The following PPP1R7 variants were observed in gnomAD, a reference collection of about 807,000 sequenced individuals.
The protein encoded by PPP1R7 is protein phosphatase 1 regulatory subunit 22.
Under a neutral mutation model 45.2 loss-of-function variants are expected in PPP1R7, and 18 were observed. That is an observed-to-expected ratio of 0.40 (90% CI 0.28 to 0.59). The LOEUF (loss-of-function observed/expected upper bound fraction) is 0.59. PPP1R7 is among the 20% of genes least tolerant of loss of function. PPP1R7 has a pLI of 0.46. For missense variants in PPP1R7, 314 were observed against 455.8 expected (o/e 0.69, Z 2.83); for synonymous variants, 181 against 183.4 (o/e 0.99, Z 0.11).
At chr2:241,152,937 T>A (rs2067357488) in intron 1 of PPP1R7, among the ~76,000 whole-genome samples, 1 of 152,212 alleles carries the variant, frequency 6.6e-6, no homozygotes, top group Admixed American at 6.5e-5. Flanking sequence ...CTGTGGGCGG[T>A]CAGCACTATT....
At chr2:241,161,925 A>C (rs569563707) in intron 6 of PPP1R7, among the ~76,000 whole-genome samples, 2 of 152,302 alleles carry the variant, frequency 1.3e-5, no homozygotes, top group East Asian at 3.9e-4. Context: ...GCTGTGTCTA[A>C]GCACATCCGC....
intron 3 of PPP1R7, 104 bp from the exon 4 acceptor site, chr2:241,158,380 A>G: frequency 9.5e-7 from 1 of 1,050,276 alleles, no homozygotes; most frequent in South Asian, 1.3e-5. Flanking sequence ...CCCACCTGGC[A>G]CTGCCTCCCC....
chr2:241,180,908 G>A (rs2067992446), intron 9 of PPP1R7, among the ~76,000 whole-genome samples: 1 of 152,066 alleles, frequency 6.6e-6, no homozygotes, highest in African/African-American at 2.4e-5. Flanking sequence ...GTGAAAATAG[G>A]GTCCCTCAGG....
chr2:241,150,591 G>T (rs769607652), intron 1 of PPP1R7, 44 bp downstream of exon 1: 10 of 1,564,414 alleles, frequency 6.4e-6, no homozygotes, highest in Non-Finnish European at 8.6e-6. Flanking sequence ...CCAGCGGGCG[G>T]GGGGAGCTGC....
At chr2:241,149,743 T>C (rs761753317), upstream of PPP1R7, 2 of 1,544,150 alleles carry the variant, frequency 1.3e-6, no homozygotes, top group Admixed American at 3.9e-5. Context: ...TGGAGGCCTC[T>C]TTCTGAAGGC....
chr2:241,152,960 C>T lies in PPP1R7; in HGVS notation c.53-516C>T, dbSNP rs930729021. 3.3e-5 allele frequency among the ~76,000 whole-genome samples: 5 copies of T among 152,304 alleles called. No homozygotes were observed. In the East Asian group the frequency reaches 7.7e-4, roughly 24 times the overall value. ...GGTCAGCACTATTGGCTGTATTCTC[C>T]TTTTCCTTAGTGATCCTCCCTGCCC... On this transcript the variant is annotated intron_variant, in intron 1 of 9. Transcript: ENST00000234038.
At chr2:241,173,269 CAAAA>C (rs540011262) in intron 9 of PPP1R7, among the ~76,000 whole-genome samples, 27 of 90,678 alleles carry the variant, frequency 3.0e-4, no homozygotes, top group African/African-American at 1.4e-3. Context: ...AAGACTTTCT[CAAAA>C]AAAAAAAAAA....
At chr2:241,166,719 T>A (rs1304472724) in intron 8 of PPP1R7, among the ~76,000 whole-genome samples, 1 of 152,156 alleles carries the variant, frequency 6.6e-6, no homozygotes, top group Non-Finnish European at 1.5e-5. Flanking sequence ...TCCCTAGGCT[T>A]CCTCAATGGG....
chr2:241,170,031 G>A (rs751820479), intron 9 of PPP1R7, 164 bp downstream of exon 9: 14 of 595,886 alleles, frequency 2.3e-5, no homozygotes, highest in East Asian at 8.5e-5. Flanking sequence ...TGTATTGGGT[G>A]TTGTCTGTGC....
intron 9 of PPP1R7, among the ~76,000 whole-genome samples, chr2:241,173,269 CAAAAAAAAAAAA>C (rs540011262): frequency 6.9e-4 from 63 of 90,682 alleles, no homozygotes; most frequent in Admixed American, 1.6e-3. Context: ...AAGACTTTCT[CAAAAAAAAAAAA>C]AAAAAAAAAA....
At chr2:241,180,689 G>T (rs1337496575) in intron 9 of PPP1R7, among the ~76,000 whole-genome samples, 2 of 151,958 alleles carry the variant, frequency 1.3e-5, no homozygotes, top group Non-Finnish European at 2.9e-5. Flanking sequence ...CAGCGGGGCG[G>T]TGCGAGTGTA....
intron 9 of PPP1R7, among the ~76,000 whole-genome samples, chr2:241,181,546 A>AG (rs1402189318): frequency 1.3e-5 from 2 of 152,032 alleles, no homozygotes; most frequent in Non-Finnish European, 2.9e-5. Context: ...TGTGCCAGAC[A>AG]GGGCCCCAGA....
In PPP1R7 at chr2:241,150,474, G is replaced by T; in HGVS notation, c.-22G>T. On this transcript the variant is annotated 5_prime_UTR_variant, in exon 1 of 10. Transcript: ENST00000234038. ...TGAGGGGTCTGAGGCGACAGATTCC[G>T]GAAAGGGGAAGAGCAGCCAACATGG... 6.3e-7 allele frequency: 1 copy of T among 1,589,122 alleles called. No homozygotes were observed.
Position 241,170,036 on chromosome 2 carries a change from CTG to C in PPP1R7, c.906+172_906+173del, listed in dbSNP as rs370857447. On this transcript the variant is annotated intron_variant, in intron 9 of 9. Transcript: ENST00000234038. Reference sequence around the variant, plus strand: ...CTTGTAGACTTGTATTGGGTGTTGTCTGTGCTCCTCAGCGTGAGCCACAGATC... The same window carrying C: ...CTTGTAGACTTGTATTGGGTGTTGTCTGCTCCTCAGCGTGAGCCACAGATC... 498 of 585,672 alleles carry C rather than the reference CTG, an allele frequency of 8.5e-4. 4 individuals carry two copies. The highest frequency in any genetic ancestry group is 7.9e-3 in the African/African-American group (425 of 53,840). The allele number at this position is 585,672 out of a possible 1,614,324, so 36.3% of individuals were successfully genotyped here. A position where few individuals can be genotyped will look rare whatever the true frequency, so the allele number is the denominator to read the frequency against.
chr2:241,162,959 G>T (rs780664934), intron 6 of PPP1R7, among the ~76,000 whole-genome samples: 1 of 152,098 alleles, frequency 6.6e-6, no homozygotes, highest in East Asian at 1.9e-4. Context: ...GGATTTCCAC[G>T]CCCGACAGGG....
At chr2:241,155,766 A>G (rs1033528996) in intron 2 of PPP1R7, among the ~76,000 whole-genome samples, 11 of 152,090 alleles carry the variant, frequency 7.2e-5, no homozygotes, top group Non-Finnish European at 1.5e-4. Context: ...TCTGCTCTCA[A>G]AGGGTCCTGG....
intron 8 of PPP1R7, chr2:241,167,294 A>G (rs1410491442): frequency 4.9e-6 from 2 of 412,334 alleles, no homozygotes; most frequent in Non-Finnish European, 4.3e-6. Context: ...CCTAGTTGGC[A>G]GCAGTAAATT....
intron 9 of PPP1R7, among the ~76,000 whole-genome samples, chr2:241,172,380 C>T (rs1310494491): frequency 1.3e-5 from 2 of 152,108 alleles, no homozygotes; most frequent in Non-Finnish European, 2.9e-5. Context: ...CGCAGTGGCT[C>T]ATGCCTGTAA....
At chr2:241,150,407 C>G (rs765714402), upstream of PPP1R7, 6 of 1,147,270 alleles carry the variant, frequency 5.2e-6, no homozygotes, top group African/African-American at 1.7e-5. Context: ...GCGCCGGAAT[C>G]CCATTGGCAG....
Sources: allele counts gnomAD v4.1 joint callset (sites outside exome capture counted in the v4.1 genomes callset), GRCh38; gene constraint gnomAD v4.1.1; transcripts MANE v1.5; gene names NCBI Gene and HGNC (gene_info 2026-07-23, HGNC 2026-07-21).